The following SOBP variants were observed in gnomAD, a reference collection of about 807,000 sequenced individuals.
The protein encoded by SOBP is sine oculis binding protein homolog, also known as sine oculis-binding protein homolog.
Under a neutral mutation model 53.6 loss-of-function variants are expected in SOBP, and 4 were observed. That is an observed-to-expected ratio of 0.07 (90% CI 0.04 to 0.17). SOBP has a LOEUF of 0.17. Ranked by LOEUF, SOBP falls within the 10% of genes least tolerant of loss-of-function variation. SOBP has a pLI of 1.00. For synonymous variants in SOBP, 584 were observed against 522.6 expected (o/e 1.12, Z -1.60); for missense variants, 1,088 against 1,204.7 (o/e 0.90, Z 1.43).
At chr6:107,614,863 T>TA (rs569810315) in intron 5 of SOBP, among the ~76,000 whole-genome samples, 142 of 152,336 alleles carry the variant, frequency 9.3e-4, no homozygotes, top group East Asian at 4.2e-3. Context: ...CCCCTCCTTG[T>TA]AAAAAAATCA....
intron 5 of SOBP, among the ~76,000 whole-genome samples, chr6:107,614,356 G>C (rs1190233197): frequency 6.6e-6 from 1 of 152,148 alleles, no homozygotes; most frequent in Non-Finnish European, 1.5e-5. Flanking sequence ...AGTAGAGTGA[G>C]ACCCCATCTC....
chr6:107,543,135 C>G (rs181686668), intron 4 of SOBP, among the ~76,000 whole-genome samples: 1 of 152,222 alleles, frequency 6.6e-6, no homozygotes, highest in East Asian at 1.9e-4. Context: ...CAGAAGACCT[C>G]AACAATAAAA....
intron 1 of SOBP, among the ~76,000 whole-genome samples, chr6:107,492,914 C>T (rs1782613435): frequency 6.6e-6 from 1 of 152,098 alleles, no homozygotes; most frequent in East Asian, 1.9e-4. Context: ...TTCAAGTATA[C>T]CATGCCTGAG....
intron 6 of SOBP, among the ~76,000 whole-genome samples, chr6:107,655,011 A>G (rs1352147480): frequency 1.3e-5 from 2 of 152,186 alleles, no homozygotes; most frequent in African/African-American, 4.8e-5. Flanking sequence ...TGGCTGAGAA[A>G]CAGGTCCAAG....
chr6:107,501,443 C>T (rs1216828297), intron 1 of SOBP, among the ~76,000 whole-genome samples: 1 of 152,080 alleles, frequency 6.6e-6, no homozygotes, highest in Middle Eastern at 3.2e-3. Flanking sequence ...AAAGTGGCAC[C>T]CATAGATGAC....
At chr6:107,655,999 C>T (rs1772016117) in intron 6 of SOBP, among the ~76,000 whole-genome samples, 1 of 152,166 alleles carries the variant, frequency 6.6e-6, no homozygotes, top group Non-Finnish European at 1.5e-5. Flanking sequence ...AACATTCTCC[C>T]TCCTCCCTTT....
chr6:107,551,575 G>A (rs1784460547), intron 4 of SOBP, among the ~76,000 whole-genome samples: 1 of 152,120 alleles, frequency 6.6e-6, no homozygotes, highest in Non-Finnish European at 1.5e-5. Flanking sequence ...CATGATTTCA[G>A]AAGTGTTAAA....
intron 6 of SOBP, among the ~76,000 whole-genome samples, chr6:107,657,806 A>G (rs1396326367): frequency 1.3e-5 from 2 of 149,952 alleles, no homozygotes; most frequent in Non-Finnish European, 3.0e-5. Flanking sequence ...GCACCACTGC[A>G]CTCCAGCTTG....
intron 4 of SOBP, among the ~76,000 whole-genome samples, chr6:107,553,297 A>ATTTT (rs762333824): frequency 4.2e-4 from 49 of 115,938 alleles, no homozygotes; most frequent in East Asian, 3.8e-3. Context: ...GCTTATTATT[A>ATTTT]TTTTATTTAT....
Position 107,614,362 on chromosome 6 carries a change from A to G in SOBP, c.670-19152A>G, listed in dbSNP as rs148439994. Among the ~76,000 whole-genome samples, 602 of 152,284 alleles carry G rather than the reference A, an allele frequency of 4.0e-3. 1 individual carries two copies. Among genetic ancestry groups the G allele is most frequent in the African/African-American group, 0.014 (577 of 41,536 alleles). The stretch of plus-strand genomic sequence containing the variant: ...AGCTTGAACAGTAGAGTGAGACCCC[A>G]TCTCTTAAAAAATATATATATGAAA... On this transcript the variant is annotated intron_variant, in intron 5 of 6. Coordinates refer to ENST00000317357, the MANE Select transcript of SOBP (RefSeq NM_018013.4).
chr6:107,511,926 A>G (rs1237717619), intron 3 of SOBP, among the ~76,000 whole-genome samples: 2 of 151,990 alleles, frequency 1.3e-5, no homozygotes, highest in Admixed American at 1.3e-4. Context: ...AATACAGGAT[A>G]ATAGCTTTGC....
chr6:107,548,872 G>C (rs1209985225), intron 4 of SOBP, among the ~76,000 whole-genome samples: 1 of 152,170 alleles, frequency 6.6e-6, no homozygotes, highest in Admixed American at 6.5e-5. Flanking sequence ...AGGAGTTTGA[G>C]GTTGCAGTGA....
At chr6:107,526,230 G>A (rs956147673) in intron 3 of SOBP, among the ~76,000 whole-genome samples, 2 of 152,096 alleles carry the variant, frequency 1.3e-5, no homozygotes, top group Non-Finnish European at 2.9e-5. Flanking sequence ...TGGGATTAAG[G>A]TGTGAGCCAC....
chr6:107,627,791 TA>T (rs1770528811), intron 5 of SOBP, among the ~76,000 whole-genome samples: 1 of 152,248 alleles, frequency 6.6e-6, no homozygotes, highest in African/African-American at 2.4e-5. Context: ...GTTTCTACTT[TA>T]AATTCCTCTC....
intron 4 of SOBP, among the ~76,000 whole-genome samples, chr6:107,536,588 C>CT (rs1366910754): frequency 5.3e-5 from 8 of 152,164 alleles, no homozygotes; most frequent in African/African-American, 1.9e-4. Flanking sequence ...ACATACATCT[C>CT]TCACAGACTG....
Position 107,506,315 on chromosome 6 carries a change from A to G in SOBP, c.309A>G (p.Ser103=). ...CATACAATATAAGCACAGGCTATTC[A>G]GGGCTTGCCACTGGAAATGGACTCA... is the stretch of plus-strand genomic sequence containing the variant. ...ISPYNISTGY[S]GLATGNGLSD... is the part of the protein sequence containing the mutation. Residue 103 remains serine, a synonymous_variant, in exon 3 of 7, where the codon TCA becomes TCG. Coordinates refer to ENST00000317357, the MANE Select transcript of SOBP (RefSeq NM_018013.4). 6.2e-7 allele frequency: 1 copy of G among 1,614,230 alleles called. No homozygotes were observed. The highest frequency in any genetic ancestry group is 2.2e-5 in the East Asian group (1 of 44,890).
intron 6 of SOBP, among the ~76,000 whole-genome samples, chr6:107,654,222 T>C (rs547994622): frequency 2.0e-5 from 3 of 152,370 alleles, no homozygotes; most frequent in African/African-American, 7.2e-5. Flanking sequence ...AGCGTGTGTG[T>C]ATGGTACATA....
At chr6:107,536,644 A>G (rs922987655) in intron 4 of SOBP, among the ~76,000 whole-genome samples, 1 of 152,148 alleles carries the variant, frequency 6.6e-6, no homozygotes, top group African/African-American at 2.4e-5. Flanking sequence ...GTTAACCTAT[A>G]TAGTATATAG....
intron 6 of SOBP, among the ~76,000 whole-genome samples, chr6:107,651,258 G>T (rs2115174139): frequency 6.6e-6 from 1 of 152,198 alleles, no homozygotes; most frequent in South Asian, 2.1e-4. Context: ...CTGAGATATT[G>T]TCTCTAAATA....
Sources: gnomAD v4.1 joint callset for allele counts (sites outside exome capture counted in the v4.1 genomes callset) on GRCh38, gnomAD v4.1.1 for gene constraint, MANE v1.5 for transcripts, NCBI Gene and HGNC (gene_info 2026-07-23, HGNC 2026-07-21) for gene names.